Variants in PAMR1 observed in about 807,000 individuals in gnomAD.
The protein encoded by PAMR1 is peptidase domain containing associated with muscle regeneration 1.
In PAMR1, 88 loss-of-function variants were observed where a neutral mutation model predicts 81.8. The ratio of observed to expected loss-of-function variants is 1.08; its 90% CI spans 0.91 to 1.28. The LOEUF is 1.28. Ranked by LOEUF, PAMR1 falls within the 50% of genes most tolerant of loss-of-function variation. The pLI, the probability that PAMR1 is intolerant of heterozygous loss-of-function variation, is 0.00. For synonymous variants in PAMR1, 336 were observed against 345.3 expected (o/e 0.97, Z 0.30); for missense variants, 935 against 919.7 (o/e 1.02, Z -0.21).
intron 5 of PAMR1, among the ~76,000 whole-genome samples, chr11:35,468,439 G>A (rs577603997): frequency 2.6e-5 from 4 of 152,252 alleles, no homozygotes; most frequent in East Asian, 3.9e-4. Flanking sequence ...GGGTTTCAGC[G>A]GACAGAGACA....
At chr11:35,446,188 AT>A (rs1231471665) in intron 6 of PAMR1, among the ~76,000 whole-genome samples, 1 of 151,918 alleles carries the variant, frequency 6.6e-6, no homozygotes, top group Non-Finnish European at 1.5e-5. Context: ...CCCCTTTATT[AT>A]TTTATATTGT....
At chr11:35,503,494 C>A (rs1033650827) in intron 1 of PAMR1, among the ~76,000 whole-genome samples, 1 of 152,040 alleles carries the variant, frequency 6.6e-6, no homozygotes, top group African/African-American at 2.4e-5. Context: ...TATTAATTCT[C>A]CCAATCCATA....
chr11:35,481,935 G>C (rs1213265528), intron 3 of PAMR1, among the ~76,000 whole-genome samples: 2 of 152,028 alleles, frequency 1.3e-5, no homozygotes, highest in African/African-American at 4.8e-5. Context: ...CTGGATATTA[G>C]ACTTTTGTCA....
chr11:35,526,662 C>T (rs559717456), upstream of PAMR1, among the ~76,000 whole-genome samples: 35 of 152,316 alleles, frequency 2.3e-4, 1 homozygote, highest in South Asian at 6.6e-3. Flanking sequence ...AGGGTTTGAA[C>T]CCGGGCAGCT....
intron 1 of PAMR1, among the ~76,000 whole-genome samples, chr11:35,523,591 CA>C (rs1402155322): frequency 6.6e-6 from 1 of 152,230 alleles, no homozygotes; most frequent in African/African-American, 2.4e-5. Flanking sequence ...TACAATTCAG[CA>C]AATACTCTTT....
intron 6 of PAMR1, among the ~76,000 whole-genome samples, chr11:35,445,814 C>A (rs1856278615): frequency 6.6e-6 from 1 of 152,118 alleles, no homozygotes; most frequent in South Asian, 2.1e-4. Flanking sequence ...GCATCTCTGA[C>A]AGGTTTTGTT....
chr11:35,448,672 T>C (rs1461705154), intron 6 of PAMR1, among the ~76,000 whole-genome samples: 1 of 152,248 alleles, frequency 6.6e-6, no homozygotes, highest in African/African-American at 2.4e-5. Flanking sequence ...AGCCCAGTTC[T>C]GTGCCATTGC....
At chr11:35,483,902 T>A (rs561051827) in intron 3 of PAMR1, among the ~76,000 whole-genome samples, 1 of 152,334 alleles carries the variant, frequency 6.6e-6, no homozygotes, top group East Asian at 1.9e-4. Context: ...CTATTTGCCA[T>A]ACAATACTTT....
At chr11:35,484,747 C>A (rs1410740016) in intron 3 of PAMR1, among the ~76,000 whole-genome samples, 2 of 152,202 alleles carry the variant, frequency 1.3e-5, no homozygotes, top group Non-Finnish European at 2.9e-5. Flanking sequence ...TCCTTAGATG[C>A]CCAGTATCCT....
Position 35,525,526 on chromosome 11 carries a change from C to A in PAMR1, c.60G>T (p.Ser20=). 1 of 1,613,912 alleles carries A rather than the reference C, an allele frequency of 6.2e-7. No individual in the cohort carries two copies. Among genetic ancestry groups the A allele is most frequent in the Non-Finnish European group, 8.5e-7 (1 of 1,179,870 alleles). ...GLTFLQLLLI[S]SLPREYTVIN... ...TACTCACAGTACCTCTTGGCAAGGA[C>A]GAGATGAGAAGGAGCTGAAGAAAAG... The change falls in exon 1 of 11, where the codon TCG becomes TCT. Residue 20 remains serine (S), a synonymous_variant. Coordinates refer to ENST00000619888, the MANE Select transcript of PAMR1 (RefSeq NM_001001991.3).
chr11:35,520,041 A>G (rs997387061), intron 1 of PAMR1, among the ~76,000 whole-genome samples: 1 of 152,214 alleles, frequency 6.6e-6, no homozygotes, highest in African/African-American at 2.4e-5. Context: ...TTAAGTAAAT[A>G]TATATAAAGC....
At chr11:35,457,299 G>C (rs1191540841) in intron 6 of PAMR1, among the ~76,000 whole-genome samples, 2 of 129,048 alleles carry the variant, frequency 1.5e-5, no homozygotes, top group South Asian at 2.3e-4. Flanking sequence ...CTCTCTGCCT[G>C]AATGCTTGAG....
At chr11:35,495,652 G>A (rs1382982993) in intron 1 of PAMR1, among the ~76,000 whole-genome samples, 1 of 152,166 alleles carries the variant, frequency 6.6e-6, no homozygotes, top group Non-Finnish European at 1.5e-5. Flanking sequence ...GGGATCACCA[G>A]CATGCTTCGT....
chr11:35,474,012 C>A (rs1042593809), intron 4 of PAMR1, among the ~76,000 whole-genome samples: 1 of 152,222 alleles, frequency 6.6e-6, no homozygotes, highest in Non-Finnish European at 1.5e-5. Context: ...TGTTCCAGCA[C>A]TATGATGCAG....
intron 1 of PAMR1, among the ~76,000 whole-genome samples, chr11:35,518,345 G>A (rs1451960893): frequency 1.3e-5 from 2 of 151,870 alleles, no homozygotes; most frequent in South Asian, 2.1e-4. Flanking sequence ...CATCATTCTC[G>A]TTAACTTCTA....
intron 1 of PAMR1, among the ~76,000 whole-genome samples, chr11:35,507,975 A>C (rs1851001244): frequency 6.6e-6 from 1 of 152,064 alleles, no homozygotes. Flanking sequence ...ATGCCTGGGG[A>C]ACTTGTGGAT....
intron 3 of PAMR1, among the ~76,000 whole-genome samples, chr11:35,483,885 T>C (rs1159797088): frequency 6.6e-6 from 1 of 152,206 alleles, no homozygotes; most frequent in Non-Finnish European, 1.5e-5. Flanking sequence ...ACATAAAATA[T>C]AAAATACTAT....
At chr11:35,528,196 C>A (rs1433853167), upstream of PAMR1, among the ~76,000 whole-genome samples, 2 of 152,118 alleles carry the variant, frequency 1.3e-5, no homozygotes, top group Non-Finnish European at 2.9e-5. Context: ...GAAGTAGATA[C>A]AAGAATAGGT....
chr11:35,496,409 A>G (rs1850727341), intron 1 of PAMR1, among the ~76,000 whole-genome samples: 1 of 152,220 alleles, frequency 6.6e-6, no homozygotes, highest in Admixed American at 6.5e-5. Flanking sequence ...AACTCATACA[A>G]CTCAACCATA....
Sources: gnomAD v4.1 joint callset for allele counts (sites outside exome capture counted in the v4.1 genomes callset) on GRCh38, gnomAD v4.1.1 for gene constraint, MANE v1.5 for transcripts, NCBI Gene and HGNC (gene_info 2026-07-23, HGNC 2026-07-21) for gene names.